Variants in CDH11 observed in about 807,000 individuals in gnomAD.
CDH11 encodes the protein cadherin-11.
A neutral mutation model predicts 67.8 loss-of-function variants in CDH11; 11 were observed. That is an observed-to-expected ratio of 0.16 (90% CI 0.10 to 0.27). CDH11 has a LOEUF of 0.27. Ranked by LOEUF, CDH11 falls within the 10% of genes least tolerant of loss-of-function variation. The pLI, the probability that CDH11 is intolerant of heterozygous loss-of-function variation, is 1.00. For synonymous variants in CDH11, 419 were observed against 400.0 expected (o/e 1.05, Z -0.57); for missense variants, 847 against 1,031.2 (o/e 0.82, Z 2.45).
intron 2 of CDH11, among the ~76,000 whole-genome samples, chr16:65,029,258 T>C (rs1311718621): frequency 5.9e-5 from 9 of 152,176 alleles, no homozygotes; most frequent in Admixed American, 5.9e-4. Flanking sequence ...AGGATGGAGA[T>C]GTCACTTAGA....
chr16:65,122,307 G>A, upstream of CDH11: 1 of 314,426 alleles, frequency 3.2e-6, no homozygotes, highest in Non-Finnish European at 6.0e-6. Flanking sequence ...TGGATTCGTG[G>A]CCGCCCCTCC....
chr16:65,073,285 T>C (rs2142773703), intron 1 of CDH11, among the ~76,000 whole-genome samples: 1 of 152,260 alleles, frequency 6.6e-6, no homozygotes, highest in Non-Finnish European at 1.5e-5. Context: ...AATTAATTAA[T>C]TAGTTTATTT....
At chr16:65,025,705 C>T (rs2073520206) in intron 2 of CDH11, among the ~76,000 whole-genome samples, 1 of 152,142 alleles carries the variant, frequency 6.6e-6, no homozygotes, top group Non-Finnish European at 1.5e-5. Flanking sequence ...ATTTAAATTA[C>T]ATTATTATTA....
chr16:64,991,698 A>G lies in CDH11; in HGVS notation c.811+70T>C, dbSNP rs997017651. 5.3e-5 allele frequency: 60 copies of G among 1,127,460 alleles called. No individual in the cohort carries two copies. In the South Asian group the frequency reaches 8.5e-4, roughly 16 times the overall value. 69.8% of individuals were successfully genotyped at this position (1,127,460 alleles called of 1,614,324 possible). A position where few individuals can be genotyped will look rare whatever the true frequency, so the allele number is the denominator to read the frequency against. ...CTTTTTGATACCTCAGTAAAGCAGG[A>G]ATAGGTTAGAGGAGGGAGAGAGCTG... On this transcript the variant is annotated intron_variant, in intron 6 of 12. Coordinates refer to ENST00000268603, the MANE Select transcript of CDH11 (RefSeq NM_001797.4).
At chr16:64,955,535 T>C (rs575501641) in intron 11 of CDH11, among the ~76,000 whole-genome samples, 1 of 152,198 alleles carries the variant, frequency 6.6e-6, no homozygotes, top group African/African-American at 2.4e-5. Context: ...AGCCAGGAGT[T>C]CTAGACCAGC....
Position 65,005,022 on chromosome 16 carries a change from C to T in CDH11, c.-153G>A. 1 of 1,359,734 alleles carries T rather than the reference C, an allele frequency of 7.4e-7. No individual in the cohort carries two copies. The highest frequency in any genetic ancestry group is 9.5e-7 in the Non-Finnish European group (1 of 1,056,048). 84.2% of individuals were successfully genotyped at this position (1,359,734 alleles called of 1,614,324 possible). A position where few individuals can be genotyped will look rare whatever the true frequency, so the allele number is the denominator to read the frequency against. On this transcript the variant is annotated 5_prime_UTR_variant, in exon 3 of 13. Transcript: ENST00000268603. Reference sequence around the variant, plus strand: ...GGTTGAGCTCATCACGTCAGGGCTGCCCACGTCCCCAGTTAGCTTCTGCAA... The same window carrying T: ...GGTTGAGCTCATCACGTCAGGGCTGTCCACGTCCCCAGTTAGCTTCTGCAA...
At chr16:64,964,483 T>C (rs1488951901) in intron 11 of CDH11, among the ~76,000 whole-genome samples, 1 of 152,208 alleles carries the variant, frequency 6.6e-6, no homozygotes, top group Non-Finnish European at 1.5e-5. Context: ...GGTGAGTCAC[T>C]GAGTGAGTGA....
intron 2 of CDH11, among the ~76,000 whole-genome samples, chr16:65,038,262 A>T (rs1876066773): frequency 6.6e-6 from 1 of 151,508 alleles, no homozygotes; most frequent in South Asian, 2.1e-4. Flanking sequence ...ATGCATCATG[A>T]CTCCTCCACG....
rs1429959211 is a variant in CDH11 at position 64,971,569 on chromosome 16, T to C, written c.1642+10A>G. On this transcript the variant is annotated intron_variant, in intron 11 of 12. Transcript: ENST00000268603. The stretch of plus-strand genomic sequence containing the variant: ...TACTTCTCTGAATGCGTAGGAACCT[T>C]AGTACAAACCTCGGTTGTCTCTGAC... 7 of 1,536,552 alleles carry C rather than the reference T, an allele frequency of 4.6e-6. No homozygotes were observed. The highest frequency in any genetic ancestry group is 1.1e-5 in the South Asian group (1 of 88,304).
At chr16:65,038,187 G>T (rs562367088) in intron 2 of CDH11, among the ~76,000 whole-genome samples, 150 of 152,158 alleles carry the variant, frequency 9.9e-4, no homozygotes, top group Non-Finnish European at 1.8e-3. Flanking sequence ...GGGGACTGCT[G>T]AGATTGGGGC....
intron 11 of CDH11, among the ~76,000 whole-genome samples, chr16:64,957,567 G>C (rs572609623): frequency 1.1e-4 from 16 of 143,796 alleles, no homozygotes; most frequent in Admixed American, 8.3e-4. Context: ...CCAAGATAAT[G>C]GAAAAAATAT....
chr16:64,951,841 A>G (rs570394527), intron 11 of CDH11, among the ~76,000 whole-genome samples: 2 of 152,070 alleles, frequency 1.3e-5, no homozygotes, highest in African/African-American at 2.4e-5. Flanking sequence ...CAGGAGATTT[A>G]TGGTTTCTTT....
chr16:65,061,275 G>A (rs1375033173), intron 1 of CDH11, among the ~76,000 whole-genome samples: 1 of 152,062 alleles, frequency 6.6e-6, no homozygotes, highest in Non-Finnish European at 1.5e-5. Flanking sequence ...CTAGACTATT[G>A]GAGAAATAAA....
intron 2 of CDH11, among the ~76,000 whole-genome samples, chr16:65,040,891 TAC>T (rs562841189): frequency 1.4e-3 from 220 of 152,306 alleles, no homozygotes; most frequent in South Asian, 0.014. Flanking sequence ...TTTTAAAGGG[TAC>T]AGTGTTTGCT....
rs570752275 is a variant in CDH11 at position 64,971,567 on chromosome 16, C to T, written c.1642+12G>A. ...TCTACTTCTCTGAATGCGTAGGAAC[C>T]TTAGTACAAACCTCGGTTGTCTCTG... On this transcript the variant is annotated intron_variant, in intron 11 of 12. Transcript: ENST00000268603. 2.0e-6 allele frequency: 3 copies of T among 1,528,006 alleles called. No homozygotes were observed. The highest frequency in any genetic ancestry group is 1.8e-6 in the Non-Finnish European group (2 of 1,105,016). 94.7% of individuals were successfully genotyped at this position (1,528,006 alleles called of 1,614,324 possible).
intron 1 of CDH11, among the ~76,000 whole-genome samples, chr16:65,111,030 G>T (rs1186310809): frequency 1.3e-5 from 2 of 152,078 alleles, no homozygotes; most frequent in African/African-American, 2.4e-5. Context: ...TATTTTCATT[G>T]CCATTGCTTT....
intron 11 of CDH11, among the ~76,000 whole-genome samples, chr16:64,952,562 T>A (rs1252313874): frequency 2.0e-5 from 3 of 152,192 alleles, no homozygotes; most frequent in African/African-American, 7.2e-5. Flanking sequence ...CCTCAACTAA[T>A]TTTCTAAGAT....
At chr16:65,081,806 A>G (rs554141547) in intron 1 of CDH11, among the ~76,000 whole-genome samples, 2 of 152,320 alleles carry the variant, frequency 1.3e-5, no homozygotes, top group South Asian at 2.1e-4. Flanking sequence ...TCAAACAGCT[A>G]TATTGTACCT....
chr16:65,079,671 T>G (rs777376202), intron 1 of CDH11, among the ~76,000 whole-genome samples: 10 of 152,226 alleles, frequency 6.6e-5, no homozygotes, highest in Non-Finnish European at 1.3e-4. Context: ...CTGGACTGCC[T>G]GCAGAGTGTG....
Sources: allele counts gnomAD v4.1 joint callset (sites outside exome capture counted in the v4.1 genomes callset), GRCh38; gene constraint gnomAD v4.1.1; transcripts MANE v1.5; gene names NCBI Gene and HGNC (gene_info 2026-07-23, HGNC 2026-07-21).